Variants in SGCZ observed in about 807,000 individuals in gnomAD.
SGCZ encodes sarcoglycan zeta, also known as zeta-sarcoglycan.
SGCZ carries 40 observed loss-of-function variants against 41.3 expected under a neutral mutation model. The observed-to-expected ratio is 0.97, with a 90% CI of 0.75 to 1.26. The LOEUF is 1.26. Among genes scored for constraint, SGCZ ranks in the 50% most tolerant of loss-of-function variants. SGCZ has a pLI of 0.00. For synonymous variants in SGCZ, 206 were observed against 137.5 expected, an observed-to-expected ratio of 1.50 and a Z score of -3.49; for missense variants, 552 against 369.8, an observed-to-expected ratio of 1.49 and a Z score of -4.04.
chr8:14,905,314 T>C (rs768307840), intron 1 of SGCZ, among the ~76,000 whole-genome samples: 4 of 151,916 alleles, frequency 2.6e-5, no homozygotes, highest in Non-Finnish European at 4.4e-5. Flanking sequence ...AAGACAGTAA[T>C]GGTAAATGGT....
chr8:15,019,096 A>AC (rs771204905), intron 1 of SGCZ, among the ~76,000 whole-genome samples: 1 of 152,160 alleles, frequency 6.6e-6, no homozygotes, highest in Non-Finnish European at 1.5e-5. Context: ...TGATCCAATT[A>AC]CCTCCCAGCA....
intron 1 of SGCZ, among the ~76,000 whole-genome samples, chr8:14,874,093 C>G (rs959228600): frequency 6.6e-6 from 1 of 152,078 alleles, no homozygotes; most frequent in African/African-American, 2.4e-5. Context: ...GTGAGTCCCA[C>G]AAACTTATAC....
In SGCZ at chr8:15,155,181, G is replaced by A. The variant is rs78433262; in HGVS notation, c.39+82404C>T. 5.9e-3 allele frequency among the ~76,000 whole-genome samples: 901 copies of A among 152,268 alleles called. 23 individuals carry two copies. The East Asian group carries it at 0.077, about 13-fold the overall frequency. On this transcript the variant is annotated intron_variant, in intron 1 of 7. Coordinates refer to ENST00000382080, the MANE Select transcript of SGCZ (RefSeq NM_139167.4). The stretch of plus-strand genomic sequence containing the variant: ...GTGGTGGTGCACGCCTATAGTCCCA[G>A]CTACTTGGGAGGCTGAGGTGGAACA...
At chr8:14,697,604 G>C (rs1019900572) in intron 1 of SGCZ, among the ~76,000 whole-genome samples, 1 of 151,732 alleles carries the variant, frequency 6.6e-6, no homozygotes, top group Non-Finnish European at 1.5e-5. Context: ...CTTTGTCTCA[G>C]GCATAGTGTT....
At chr8:14,797,551 C>T (rs1309519916) in intron 1 of SGCZ, among the ~76,000 whole-genome samples, 1 of 152,184 alleles carries the variant, frequency 6.6e-6, no homozygotes, top group African/African-American at 2.4e-5. Context: ...GGAAAATTTA[C>T]AGCCTGACAA....
Position 14,092,896 on chromosome 8 carries a change from G to A in SGCZ, c.745-2259C>T, listed in dbSNP as rs1801731906. Among the ~76,000 whole-genome samples, 2 of 144,150 alleles carry A rather than the reference G, an allele frequency of 1.4e-5. 1 individual carries two copies. Among genetic ancestry groups the A allele is most frequent in the South Asian group, 4.6e-4 (2 of 4,358 alleles). The allele number at this position is 144,150 out of a possible 152,430, so 94.6% of individuals were successfully genotyped here. A position where few individuals can be genotyped will look rare whatever the true frequency, so the allele number is the denominator to read the frequency against. On this transcript the variant is annotated intron_variant, in intron 7 of 7. Coordinates refer to ENST00000382080, the MANE Select transcript of SGCZ (RefSeq NM_139167.4). ...AATATATAATTATTGTCTATAATTA[G>A]ATTTGAAGTCTCCATGAAACATATT... is the stretch of plus-strand genomic sequence containing the variant.
chr8:15,035,337 C>G (rs894020417), intron 1 of SGCZ, among the ~76,000 whole-genome samples: 2 of 152,020 alleles, frequency 1.3e-5, no homozygotes, highest in African/African-American at 4.8e-5. Flanking sequence ...AAGCAAAAGT[C>G]TACAGTTGAT....
At chr8:14,620,396 A>G (rs1396631470) in intron 1 of SGCZ, among the ~76,000 whole-genome samples, 7 of 152,220 alleles carry the variant, frequency 4.6e-5, no homozygotes, top group Non-Finnish European at 1.0e-4. Flanking sequence ...CTTCATGTCT[A>G]AAACACCAAA....
At chr8:14,945,261 A>T (rs1585401342) in intron 1 of SGCZ, among the ~76,000 whole-genome samples, 1 of 152,246 alleles carries the variant, frequency 6.6e-6, no homozygotes, top group Non-Finnish European at 1.5e-5. Context: ...CTATGATACA[A>T]GAAAAATCTA....
At chr8:14,917,433 C>A (rs1168125736) in intron 1 of SGCZ, among the ~76,000 whole-genome samples, 1 of 152,086 alleles carries the variant, frequency 6.6e-6, no homozygotes, top group Non-Finnish European at 1.5e-5. Context: ...TAAATCAAAT[C>A]TCTTACAGTT....
intron 1 of SGCZ, among the ~76,000 whole-genome samples, chr8:14,983,586 C>T (rs573250411): frequency 4.6e-5 from 7 of 152,200 alleles, no homozygotes; most frequent in South Asian, 2.1e-4. Context: ...CTCAAACGCT[C>T]CTCCTACCTT....
At chr8:14,865,434 T>C (rs1803894806) in intron 1 of SGCZ, among the ~76,000 whole-genome samples, 1 of 129,834 alleles carries the variant, frequency 7.7e-6, no homozygotes, top group Non-Finnish European at 1.5e-5. Context: ...CTTCTTGCTC[T>C]GCCCTCAGGA....
intron 1 of SGCZ, among the ~76,000 whole-genome samples, chr8:15,186,224 T>G (rs1178015324): frequency 7.8e-6 from 1 of 128,222 alleles, no homozygotes; most frequent in African/African-American, 3.2e-5. Context: ...ATCGTGCCAC[T>G]GCACTCCAGC....
At chr8:14,685,818 C>A (rs182608125) in intron 1 of SGCZ, among the ~76,000 whole-genome samples, 2 of 152,182 alleles carry the variant, frequency 1.3e-5, no homozygotes, top group Non-Finnish European at 2.9e-5. Flanking sequence ...GACAAGTTAA[C>A]AATTCTGTCA....
chr8:14,334,326 T>C (rs904950098), intron 2 of SGCZ, among the ~76,000 whole-genome samples: 3 of 152,096 alleles, frequency 2.0e-5, no homozygotes, highest in Non-Finnish European at 4.4e-5. Context: ...ATTGAGCCTA[T>C]GACACATCAC....
chr8:15,236,020 G>T (rs2117219301), intron 1 of SGCZ, among the ~76,000 whole-genome samples: 1 of 152,254 alleles, frequency 6.6e-6, no homozygotes, highest in Admixed American at 6.5e-5. Context: ...TTCTAGCCCA[G>T]GCCAAGGTCT....
chr8:14,130,180 A>G (rs541252406), intron 5 of SGCZ, among the ~76,000 whole-genome samples: 24 of 152,238 alleles, frequency 1.6e-4, no homozygotes, highest in Non-Finnish European at 3.4e-4. Context: ...TCACAAATAT[A>G]TGGCCAACTG....
intron 1 of SGCZ, among the ~76,000 whole-genome samples, chr8:14,660,690 G>A (rs567696776): frequency 2.6e-5 from 4 of 152,008 alleles, no homozygotes; most frequent in African/African-American, 9.7e-5. Context: ...AGAGAAGAGA[G>A]ACCAGTGAAA....
chr8:14,212,394 G>A (rs1805838842), intron 4 of SGCZ, among the ~76,000 whole-genome samples: 1 of 149,354 alleles, frequency 6.7e-6, no homozygotes, highest in African/African-American at 2.5e-5. Flanking sequence ...ACACCAGAAG[G>A]CATCAAGCAG....
Sources: gnomAD v4.1 joint callset for allele counts (sites outside exome capture counted in the v4.1 genomes callset) on GRCh38, gnomAD v4.1.1 for gene constraint, MANE v1.5 for transcripts, NCBI Gene and HGNC (gene_info 2026-07-23, HGNC 2026-07-21) for gene names.